Variants in RAB33B observed in about 807,000 individuals in gnomAD.
RAB33B encodes RAB33B, member RAS oncogene family.
Under a neutral mutation model 15.0 loss-of-function variants are expected in RAB33B, and 6 were observed. That is an observed-to-expected ratio of 0.40 (90% CI 0.22 to 0.79). The LOEUF (loss-of-function observed/expected upper bound fraction) is 0.79. RAB33B is among the 30% of genes least tolerant of loss of function. The pLI, the probability that RAB33B is intolerant of heterozygous loss-of-function variation, is 0.37. For missense variants in RAB33B, 257 were observed against 296.4 expected, an observed-to-expected ratio of 0.87 and a Z score of 0.98; for synonymous variants, 117 against 108.3, an observed-to-expected ratio of 1.08 and a Z score of -0.50.
chr4:139,472,238 A>G (rs1317493146), intron 1 of RAB33B, among the ~76,000 whole-genome samples: 1 of 152,188 alleles, frequency 6.6e-6, no homozygotes, highest in Non-Finnish European at 1.5e-5. Context: ...ACATACATGT[A>G]TATGTTTGTT....
Position 139,472,966 on chromosome 4 carries a change from C to T in RAB33B, c.530C>T (p.Thr177Met), listed in dbSNP as rs140381459. 2.9e-3 allele frequency: 4,695 copies of T among 1,614,092 alleles called. 7 individuals carry two copies. The highest frequency in any genetic ancestry group is 3.8e-3 in the Non-Finnish European group (4,448 of 1,180,018). Residue 177 changes from threonine to methionine, a missense_variant, in exon 2 of 2, where the codon ACG (threonine) becomes ATG (methionine). Thr to Met is a moderately conservative substitution (Grantham distance 81). Coordinates refer to ENST00000305626, the MANE Select transcript of RAB33B (RefSeq NM_031296.3). ...ACACACAGTATGCCTTTGTTTGAAA[C>T]GTCTGCTAAAAACCCCAATGATAAT... is the stretch of plus-strand genomic sequence containing the variant. Reference protein sequence around the residue: ...ADTHSMPLFETSAKNPNDNDH... With the variant: ...ADTHSMPLFEMSAKNPNDNDH...
chr4:139,438,791 C>T, the RAB33B span, among the ~76,000 whole-genome samples: 3 of 152,196 alleles, frequency 2.0e-5, no homozygotes, highest in Non-Finnish European at 2.9e-5. Context: ...ACCATTGTTA[C>T]AATAATACTA....
At chr4:139,466,915 T>C (rs1750298532) in intron 1 of RAB33B, among the ~76,000 whole-genome samples, 1 of 151,510 alleles carries the variant, frequency 6.6e-6, no homozygotes, top group Non-Finnish European at 1.5e-5. Flanking sequence ...TTTCTCCCAT[T>C]CTGTGAGTTG....
upstream of RAB33B, chr4:139,451,987 A>G (rs1198790545): frequency 2.0e-5 from 3 of 152,226 alleles, no homozygotes; most frequent in Non-Finnish European, 4.4e-5. Context: ...GGGTTATTCA[A>G]TTAAGAAGAG....
In RAB33B at chr4:139,475,134, A is replaced by C. The variant is rs1399132359; in HGVS notation, c.*2008A>C. The stretch of plus-strand genomic sequence containing the variant: ...TTTCTTAATCATGCTGGAATTTAAA[A>C]ATTGTTTTACTTGTATCGAAATTAA... On this transcript the variant is annotated 3_prime_UTR_variant, in exon 2 of 2. Transcript: ENST00000305626. The C allele has an allele frequency of 6.6e-6, 1 of 152,114 alleles. No homozygotes were observed. Among genetic ancestry groups the C allele is most frequent in the Non-Finnish European group, 1.5e-5 (1 of 67,944 alleles). The allele number at this position is 152,114 out of a possible 1,614,324, so 9.4% of individuals were successfully genotyped here. A position where few individuals can be genotyped will look rare whatever the true frequency, so the allele number is the denominator to read the frequency against.
intron 1 of RAB33B, among the ~76,000 whole-genome samples, chr4:139,456,295 A>G (rs1750066701): frequency 6.6e-6 from 1 of 152,148 alleles, no homozygotes; most frequent in Non-Finnish European, 1.5e-5. Context: ...ACAAAAACAA[A>G]AACGGAAGTA....
chr4:139,470,554 G>A (rs779535454), intron 1 of RAB33B, among the ~76,000 whole-genome samples: 5 of 152,032 alleles, frequency 3.3e-5, no homozygotes, highest in Non-Finnish European at 7.4e-5. Context: ...GGTACCAAAG[G>A]TACAAGACAG....
the RAB33B span, among the ~76,000 whole-genome samples, chr4:139,443,727 C>T: frequency 4.6e-5 from 7 of 152,166 alleles, no homozygotes; most frequent in African/African-American, 1.2e-4. Flanking sequence ...AGCTTGTAAA[C>T]GCTGATGAAC....
At chr4:139,464,385 T>TG (rs1750234171) in intron 1 of RAB33B, among the ~76,000 whole-genome samples, 1 of 98,006 alleles carries the variant, frequency 1.0e-5, no homozygotes, top group Non-Finnish European at 2.3e-5. Context: ...AGAGGAATAC[T>TG]GTTTTTTTTT....
At chr4:139,464,153 C>T (rs1022844289) in intron 1 of RAB33B, among the ~76,000 whole-genome samples, 8 of 152,092 alleles carry the variant, frequency 5.3e-5, no homozygotes, top group African/African-American at 1.4e-4. Context: ...TGGTGACACG[C>T]GCCTGTGGTC....
At chr4:139,442,378 G>A in the RAB33B span, among the ~76,000 whole-genome samples, 4 of 152,186 alleles carry the variant, frequency 2.6e-5, no homozygotes, top group African/African-American at 9.7e-5. Flanking sequence ...ATTTAAAGGT[G>A]AGGAGAAAGA....
Position 139,454,257 on chromosome 4 carries a change from G to A in RAB33B, c.62G>A (p.Gly21Glu). ...TTTTCGTCCAGCGGGGCAGTGTCAG[G>A]GGCCTCAGGGTTTTTGCCTCCTGCC... The part of the protein sequence containing the change: ...ASFSSSGAVS[G>E]ASGFLPPARS... Residue 21 changes from glycine to glutamate, a missense_variant, in exon 1 of 2, where the codon GGG becomes GAG. Physicochemically the swap from Gly to Glu is moderately conservative, Grantham distance 98. Coordinates refer to ENST00000305626, the MANE Select transcript of RAB33B (RefSeq NM_031296.3). 1 of 1,614,154 alleles carries A rather than the reference G, an allele frequency of 6.2e-7. No homozygotes were observed. Among genetic ancestry groups the A allele is most frequent in the South Asian group, 1.1e-5 (1 of 91,086 alleles).
chr4:139,453,920 C>T (rs1750001398), upstream of RAB33B: 2 of 309,658 alleles, frequency 6.5e-6, no homozygotes. Flanking sequence ...CCCGACAGGT[C>T]CCACGCCTGC....
intron 1 of RAB33B, among the ~76,000 whole-genome samples, chr4:139,471,411 G>A (rs957697029): frequency 1.3e-5 from 2 of 152,126 alleles, no homozygotes; most frequent in Non-Finnish European, 2.9e-5. Context: ...GGTGCAGGGG[G>A]TGGGTGTTGG....
intron 1 of RAB33B, among the ~76,000 whole-genome samples, chr4:139,463,486 T>C (rs1750212488): frequency 6.6e-6 from 1 of 152,258 alleles, no homozygotes; most frequent in Admixed American, 6.5e-5. Flanking sequence ...ATAAGATTGC[T>C]GTGAGCACAT....
intron 1 of RAB33B, among the ~76,000 whole-genome samples, chr4:139,457,735 G>T (rs1750094005): frequency 6.6e-6 from 1 of 152,128 alleles, no homozygotes; most frequent in Non-Finnish European, 1.5e-5. Flanking sequence ...TTTTTACATG[G>T]CCACAATCTA....
At chr4:139,471,584 G>C (rs1750394071) in intron 1 of RAB33B, among the ~76,000 whole-genome samples, 1 of 149,236 alleles carries the variant, frequency 6.7e-6, no homozygotes, top group Non-Finnish European at 1.5e-5. Context: ...CGGGGCAGTT[G>C]GGGACATGAT....
chr4:139,444,937 G>A, the RAB33B span, among the ~76,000 whole-genome samples: 3 of 152,200 alleles, frequency 2.0e-5, no homozygotes, highest in Non-Finnish European at 2.9e-5. Flanking sequence ...CCCTGGAGGG[G>A]TTGCGGAAAT....
chr4:139,468,556 A>C (rs1417919728), intron 1 of RAB33B, among the ~76,000 whole-genome samples: 1 of 152,220 alleles, frequency 6.6e-6, no homozygotes, highest in African/African-American at 2.4e-5. Context: ...TGATTGGTTC[A>C]TCATTTAGTC....
Sources: gnomAD v4.1 joint callset for allele counts (sites outside exome capture counted in the v4.1 genomes callset) on GRCh38, gnomAD v4.1.1 for gene constraint, MANE v1.5 for transcripts, NCBI Gene and HGNC (gene_info 2026-07-23, HGNC 2026-07-21) for gene names.